EPM2A: variants seen among roughly 807,000 people sequenced by gnomAD.
EPM2A encodes the protein laforin.
A neutral mutation model predicts 26.5 loss-of-function variants in EPM2A; 21 were observed. The ratio of observed to expected loss-of-function variants is 0.79; its 90% CI spans 0.56 to 1.14. EPM2A has a LOEUF of 1.14. EPM2A is among the 50% of genes most tolerant of loss of function. EPM2A has a pLI of 0.00. For synonymous variants in EPM2A, 217 were observed against 177.6 expected (o/e 1.22, Z -1.76); for missense variants, 458 against 440.8 (o/e 1.04, Z -0.35).
intron 2 of EPM2A, among the ~76,000 whole-genome samples, chr6:145,585,965 G>A (rs1178148809): frequency 1.3e-5 from 2 of 152,282 alleles, no homozygotes; most frequent in African/African-American, 4.8e-5. Context: ...CCAGTCTTGT[G>A]ACTGGGAATT....
At chr6:145,669,636 C>T (rs1779502913) in intron 2 of EPM2A, among the ~76,000 whole-genome samples, 1 of 152,146 alleles carries the variant, frequency 6.6e-6, no homozygotes, top group Admixed American at 6.6e-5. Context: ...GTCTGCCAAG[C>T]TTCCACTTCA....
intron 1 of EPM2A, among the ~76,000 whole-genome samples, chr6:145,727,872 T>A (rs939559000): frequency 2.0e-5 from 3 of 152,156 alleles, no homozygotes; most frequent in Non-Finnish European, 2.9e-5. Context: ...CCAAATCTCA[T>A]CTCCGAACAG....
At chr6:145,655,815 C>T (rs993250109) in intron 2 of EPM2A, among the ~76,000 whole-genome samples, 7 of 152,074 alleles carry the variant, frequency 4.6e-5, no homozygotes, top group African/African-American at 1.7e-4. Context: ...TTTACTAATT[C>T]GAACACTGTT....
intron 2 of EPM2A, among the ~76,000 whole-genome samples, chr6:145,566,334 G>C (rs1780883714): frequency 6.6e-6 from 1 of 152,054 alleles, no homozygotes; most frequent in Non-Finnish European, 1.5e-5. Flanking sequence ...AAATTGTTTT[G>C]GTTTATACTG....
chr6:145,611,807 T>C (rs536329005), intron 2 of EPM2A, among the ~76,000 whole-genome samples: 1 of 152,268 alleles, frequency 6.6e-6, no homozygotes, highest in Non-Finnish European at 1.5e-5. Context: ...ATTTACTCCA[T>C]TGATACTAAA....
intron 2 of EPM2A, among the ~76,000 whole-genome samples, chr6:145,658,278 T>C (rs1052084252): frequency 6.6e-6 from 1 of 152,222 alleles, no homozygotes; most frequent in Non-Finnish European, 1.5e-5. Context: ...ATTCAATGAC[T>C]GACCTGTTCT....
chr6:145,444,715 C>T (rs1431327507), intron 4 of EPM2A, among the ~76,000 whole-genome samples: 1 of 152,066 alleles, frequency 6.6e-6, no homozygotes, highest in Non-Finnish European at 1.5e-5. Context: ...GCTTTTGTTT[C>T]TTATGCATTA....
At chr6:145,551,290 G>C (rs979289247) in intron 2 of EPM2A, among the ~76,000 whole-genome samples, 1 of 151,930 alleles carries the variant, frequency 6.6e-6, no homozygotes, top group Admixed American at 6.6e-5. Context: ...TTAAAAATTA[G>C]GTGAAACAGT....
intron 2 of EPM2A, among the ~76,000 whole-genome samples, chr6:145,552,347 C>T (rs572041013): frequency 6.6e-6 from 1 of 151,956 alleles, no homozygotes; most frequent in East Asian, 1.9e-4. Flanking sequence ...TTAAAAGCTT[C>T]CAAGAAAATA....
chr6:145,480,431 T>C (rs1457335846), intron 4 of EPM2A, among the ~76,000 whole-genome samples: 1 of 152,082 alleles, frequency 6.6e-6, no homozygotes, highest in African/African-American at 2.4e-5. Flanking sequence ...GGATTACAAT[T>C]AGACATGAGA....
At chr6:145,635,621 A>G (rs1562425045) in intron 2 of EPM2A, 135 bp from the exon 3 acceptor site, 1 of 807,394 alleles carries the variant, frequency 1.2e-6, no homozygotes, top group Non-Finnish European at 2.1e-6. Flanking sequence ...ATTTTAGAAT[A>G]TGAACACCAA....
intron 4 of EPM2A, among the ~76,000 whole-genome samples, chr6:145,452,646 G>A (rs1779212853): frequency 6.9e-6 from 1 of 145,460 alleles, no homozygotes; most frequent in East Asian, 2.0e-4. Context: ...CCGAGATCAC[G>A]CCACTGCACT....
intron 2 of EPM2A, among the ~76,000 whole-genome samples, chr6:145,541,346 G>GTA (rs35986160): frequency 0.35 from 52,474 of 148,160 alleles, 9,558 homozygotes; most frequent in South Asian, 0.51. Context: ...ATGTGTGTGT[G>GTA]TATATATATA....
intron 2 of EPM2A, among the ~76,000 whole-genome samples, chr6:145,531,767 G>T (rs1158730114): frequency 6.6e-6 from 1 of 152,156 alleles, no homozygotes; most frequent in Non-Finnish European, 1.5e-5. Context: ...TTATGCTGAA[G>T]AAGACAAGTC....
chr6:145,456,452 A>C lies in EPM2A; in HGVS notation c.555+46070T>G, dbSNP rs1779263739. Reference sequence around the variant, plus strand: ...GAAAGAGATGAACAGAGAGATTGAGAGAAAGAGAGACAGAGAGAAAGAAGG... The same window carrying C: ...GAAAGAGATGAACAGAGAGATTGAGCGAAAGAGAGACAGAGAGAAAGAAGG... On this transcript the variant is annotated intron_variant, in intron 4 of 4. Coordinates refer to the EPM2A transcript ENST00000638717. Among the ~76,000 whole-genome samples the C allele has an allele frequency of 2.0e-5, 3 of 152,230 alleles. No homozygotes were observed. In the South Asian group the frequency reaches 6.2e-4, roughly 32 times the overall value.
chr6:145,735,995 C>A (rs567289088), upstream of EPM2A: 2 of 152,182 alleles, frequency 1.3e-5, no homozygotes, highest in South Asian at 4.1e-4. Flanking sequence ...AAGTCACTTA[C>A]TCTAGCAGGT....
intron 4 of EPM2A, among the ~76,000 whole-genome samples, chr6:145,388,102 G>T (rs1778287592): frequency 6.6e-6 from 1 of 151,972 alleles, no homozygotes; most frequent in South Asian, 2.1e-4. Flanking sequence ...AATATAGAGG[G>T]GAATAGCCTG....
At chr6:145,525,705 T>C (rs1035259919) in intron 2 of EPM2A, among the ~76,000 whole-genome samples, 7 of 152,114 alleles carry the variant, frequency 4.6e-5, no homozygotes, top group African/African-American at 1.7e-4. Context: ...GTGGAATTTT[T>C]AGGATTTTCT....
chr6:145,586,979 A>C (rs1781204055), intron 2 of EPM2A, among the ~76,000 whole-genome samples: 1 of 152,178 alleles, frequency 6.6e-6, no homozygotes, highest in Admixed American at 6.5e-5. Flanking sequence ...TGCCAAATTC[A>C]ATGACTGTTG....
Sources: allele counts gnomAD v4.1 joint callset (sites outside exome capture counted in the v4.1 genomes callset), GRCh38; gene constraint gnomAD v4.1.1; transcripts MANE v1.5; gene names NCBI Gene and HGNC (gene_info 2026-07-23, HGNC 2026-07-21).